The following FHIP1A variants were observed in gnomAD, a reference collection of about 807,000 sequenced individuals.
FHIP1A encodes FHF complex subunit HOOK-interacting protein 1A.
A neutral mutation model predicts 88.6 loss-of-function variants in FHIP1A; 61 were observed. The observed-to-expected ratio is 0.69, with a 90% CI of 0.56 to 0.85. FHIP1A has a LOEUF of 0.85. Among genes scored for constraint, FHIP1A ranks in the 40% least tolerant of loss-of-function variants. The probability of loss-of-function intolerance (pLI) is 0.00; values close to 1 mark genes in which losing one functional copy is unlikely to be tolerated. For missense variants in FHIP1A, 1,154 were observed against 1,273.5 expected (o/e 0.91, Z 1.43); for synonymous variants, 478 against 496.0 (o/e 0.96, Z 0.48).
chr4:151,654,296 C>T (rs1174726792), intron 11 of FHIP1A, among the ~76,000 whole-genome samples: 3 of 152,060 alleles, frequency 2.0e-5, no homozygotes, highest in Non-Finnish European at 2.9e-5. Context: ...TTCCTCTCCA[C>T]AGGGCATGGG....
chr4:151,550,057 GTATT>G (rs1293395163), intron 3 of FHIP1A, among the ~76,000 whole-genome samples: 2 of 152,028 alleles, frequency 1.3e-5, no homozygotes, highest in South Asian at 2.1e-4. Flanking sequence ...CAGGTTGTTG[GTATT>G]TATTTGTTTG....
intron 3 of FHIP1A, among the ~76,000 whole-genome samples, chr4:151,495,394 C>T (rs1730424173): frequency 6.6e-6 from 1 of 151,400 alleles, no homozygotes; most frequent in African/African-American, 2.4e-5. Context: ...CCCAGCTACT[C>T]GGGAGGCTGA....
At chr4:151,413,757 A>T (rs1259347323) in intron 1 of FHIP1A, among the ~76,000 whole-genome samples, 2 of 151,222 alleles carry the variant, frequency 1.3e-5, no homozygotes, top group Non-Finnish European at 3.0e-5. Flanking sequence ...GCCTGGCCTC[A>T]TATGTATTAC....
At chr4:151,523,234 T>G (rs1037990813) in intron 3 of FHIP1A, among the ~76,000 whole-genome samples, 3 of 151,794 alleles carry the variant, frequency 2.0e-5, no homozygotes, top group African/African-American at 7.3e-5. Context: ...TATTTCAGGG[T>G]TTTTTTTGGG....
chr4:151,528,242 G>A lies in FHIP1A; in HGVS notation c.-122-37896G>A, dbSNP rs1731754484. Among the ~76,000 whole-genome samples, 3 of 152,296 alleles carry A rather than the reference G, an allele frequency of 2.0e-5. No homozygotes were observed. The South Asian group carries it at 6.2e-4, about 32-fold the overall frequency. On this transcript the variant is annotated intron_variant, in intron 3 of 13. Transcript: ENST00000435205. Reference sequence around the variant, plus strand: ...ATAAATTATGCCTTGGCCTGTTAGAGTACCCCTGTTTCACTCCCAGCTTTG... The same window carrying A: ...ATAAATTATGCCTTGGCCTGTTAGAATACCCCTGTTTCACTCCCAGCTTTG...
intron 13 of FHIP1A, among the ~76,000 whole-genome samples, chr4:151,661,388 A>G (rs1335026963): frequency 1.3e-5 from 2 of 151,692 alleles, no homozygotes; most frequent in Non-Finnish European, 2.9e-5. Context: ...AAGGATATTT[A>G]AAGCAGTCAA....
intron 8 of FHIP1A, 60 bp downstream of exon 8, chr4:151,629,929 T>G (rs1736093551): frequency 7.6e-7 from 1 of 1,320,958 alleles, no homozygotes. Context: ...GGAGAGTTTT[T>G]TTTTGGGAAT....
chr4:151,599,153 A>T (rs1734764354), intron 7 of FHIP1A, among the ~76,000 whole-genome samples: 1 of 152,250 alleles, frequency 6.6e-6, no homozygotes. Flanking sequence ...TGTAAAAGTC[A>T]TATTAAATAA....
At chr4:151,512,408 A>G (rs1474331551) in intron 3 of FHIP1A, among the ~76,000 whole-genome samples, 4 of 152,232 alleles carry the variant, frequency 2.6e-5, no homozygotes, top group African/African-American at 7.2e-5. Flanking sequence ...TCCTCCTCCA[A>G]AGGAACACAG....
chr4:151,518,654 C>T, intron 3 of FHIP1A, among the ~76,000 whole-genome samples: 1 of 121,894 alleles, frequency 8.2e-6, no homozygotes, highest in Non-Finnish European at 1.8e-5. Context: ...TCCCTCCCTC[C>T]CTCCCTCCCT....
At chr4:151,464,181 A>G (rs913742848) in intron 2 of FHIP1A, among the ~76,000 whole-genome samples, 5 of 152,166 alleles carry the variant, frequency 3.3e-5, no homozygotes, top group Non-Finnish European at 7.4e-5. Flanking sequence ...ACACACCACC[A>G]TGCCCAGCAA....
At chr4:151,441,451 T>A in intron 1 of FHIP1A, among the ~76,000 whole-genome samples, 1 of 152,154 alleles carries the variant, frequency 6.6e-6, no homozygotes, top group Non-Finnish European at 1.5e-5. Flanking sequence ...ATTGAATTGA[T>A]TGTGTGTGTG....
At chr4:151,536,229 A>C (rs1732063306) in intron 3 of FHIP1A, among the ~76,000 whole-genome samples, 1 of 152,236 alleles carries the variant, frequency 6.6e-6, no homozygotes, top group Non-Finnish European at 1.5e-5. Flanking sequence ...AACAGTTTAC[A>C]AAACTATGGC....
intron 3 of FHIP1A, among the ~76,000 whole-genome samples, chr4:151,553,191 A>G (rs1732812727): frequency 6.6e-6 from 1 of 152,248 alleles, no homozygotes; most frequent in Admixed American, 6.5e-5. Context: ...GGGAGATTTA[A>G]TATGAAGATC....
chr4:151,551,856 T>C (rs113052419), intron 3 of FHIP1A, among the ~76,000 whole-genome samples: 49,259 of 151,240 alleles, frequency 0.33, 8,009 homozygotes, highest in Non-Finnish European at 0.34. Context: ...AACTAAAGAG[T>C]GCACAGCAAA....
rs569126288 is a variant in FHIP1A at position 151,545,369 on chromosome 4, C to CTTTTTTTTTTTTTT, written c.-122-20756_-122-20743dup. ...CAAGGCAAAATATTTCCTTATCCTT[C>CTTTTTTTTTTTTTT]TTTTTTTTTTTTTTTTTTTTTTTTT... On this transcript the variant is annotated intron_variant, in intron 3 of 13. Coordinates refer to ENST00000435205, the MANE Select transcript of FHIP1A (RefSeq NM_001109977.3). Among the ~76,000 whole-genome samples, 79 of 81,684 alleles carry CTTTTTTTTTTTTTT rather than the reference C, an allele frequency of 9.7e-4. 7 individuals carry two copies. The highest frequency in any genetic ancestry group is 3.8e-3 in the African/African-American group (75 of 19,654). The allele number at this position is 81,684 out of a possible 152,430, so 53.6% of individuals were successfully genotyped here.
At chr4:151,425,846 G>T (rs1733349958) in intron 1 of FHIP1A, among the ~76,000 whole-genome samples, 1 of 152,016 alleles carries the variant, frequency 6.6e-6, no homozygotes, top group Non-Finnish European at 1.5e-5. Flanking sequence ...ATTTCTTTCT[G>T]CCTTGCTCTT....
intron 2 of FHIP1A, among the ~76,000 whole-genome samples, chr4:151,462,883 G>A (rs1729188272): frequency 6.6e-6 from 1 of 152,194 alleles, no homozygotes; most frequent in Admixed American, 6.5e-5. Flanking sequence ...CTTACTGAGA[G>A]ATGACTTAGT....
chr4:151,441,108 A>G (rs1728396688), intron 1 of FHIP1A, among the ~76,000 whole-genome samples: 1 of 152,052 alleles, frequency 6.6e-6, no homozygotes, highest in Non-Finnish European at 1.5e-5. Context: ...TAAATATTTC[A>G]TTTGCTTATC....
Sources: allele counts gnomAD v4.1 joint callset (sites outside exome capture counted in the v4.1 genomes callset), GRCh38; gene constraint gnomAD v4.1.1; transcripts MANE v1.5; gene names NCBI Gene and HGNC (gene_info 2026-07-23, HGNC 2026-07-21).